The following SLC39A8 variants were observed in gnomAD, a reference collection of about 807,000 sequenced individuals.
The protein encoded by SLC39A8 is metal cation symporter ZIP8.
SLC39A8 carries 15 observed loss-of-function variants against 40.4 expected under a neutral mutation model. That is an observed-to-expected ratio of 0.37 (90% confidence interval 0.25 to 0.57). The LOEUF (loss-of-function observed/expected upper bound fraction) is 0.57. SLC39A8 is among the 20% of genes least tolerant of loss of function. SLC39A8 has a pLI of 0.75. For synonymous variants in SLC39A8, 223 were observed against 221.6 expected, an observed-to-expected ratio of 1.01 and a Z score of -0.06; for missense variants, 472 against 558.8, an observed-to-expected ratio of 0.84 and a Z score of 1.57.
At chr4:102,275,510 C>T (rs1732578150) in intron 6 of SLC39A8, among the ~76,000 whole-genome samples, 1 of 152,116 alleles carries the variant, frequency 6.6e-6, no homozygotes, top group Admixed American at 6.5e-5. Context: ...TATAAAGAGA[C>T]TTAGACTCCC....
rs943272568 is a variant in SLC39A8, at chr4:102,261,726, G to A, written c.*1318C>T. ...ATATTTTTTAATTGTCAGTCATAAAGTGAAATACATACTAAAATATATATT... is the reference window on the plus strand; with the variant it reads ...ATATTTTTTAATTGTCAGTCATAAAATGAAATACATACTAAAATATATATT... On this transcript the variant is annotated 3_prime_UTR_variant, in exon 9 of 9. Transcript: ENST00000356736. The A allele has an allele frequency of 5.8e-5, 57 of 982,132 alleles. No homozygotes were observed. The highest frequency in any genetic ancestry group is 6.5e-5 in the Non-Finnish European group (54 of 826,540). 60.8% of individuals were successfully genotyped at this position (982,132 alleles called of 1,614,324 possible).
intron 2 of SLC39A8, among the ~76,000 whole-genome samples, chr4:102,338,205 G>A (rs1218687276): frequency 1.6e-5 from 2 of 126,276 alleles, no homozygotes; most frequent in African/African-American, 6.1e-5. Context: ...TTTTTTTTTC[G>A]AGACGGAGTC....
downstream of SLC39A8, among the ~76,000 whole-genome samples, chr4:102,256,976 C>T (rs1047870078): frequency 1.3e-5 from 2 of 152,068 alleles, no homozygotes; most frequent in African/African-American, 4.8e-5. Context: ...ATAGTGGGCA[C>T]CAAAACCAAA....
chr4:102,306,571 C>T lies in SLC39A8; in HGVS notation c.552+865G>A, dbSNP rs535788702. Among the ~76,000 whole-genome samples, 33 of 151,880 alleles carry T rather than the reference C, an allele frequency of 2.2e-4. No individual in the cohort carries two copies. In the South Asian group the frequency reaches 5.2e-3, roughly 24 times the overall value. ...TTTAGTTATAATTTTCTAAAAATTA[C>T]GAGATAAGGGTGGTACTCCCTGAAA... On this transcript the variant is annotated intron_variant, in intron 4 of 8. Transcript: ENST00000356736.
chr4:102,270,735 A>G (rs1376717028), intron 6 of SLC39A8, among the ~76,000 whole-genome samples: 7 of 152,126 alleles, frequency 4.6e-5, no homozygotes, highest in African/African-American at 1.7e-4. Context: ...GACTTGTAAC[A>G]CCTTTCACTT....
intron 6 of SLC39A8, among the ~76,000 whole-genome samples, chr4:102,294,790 GA>G (rs1381145843): frequency 6.6e-6 from 1 of 151,846 alleles, no homozygotes; most frequent in South Asian, 2.1e-4. Flanking sequence ...GTGCAAAACA[GA>G]TGAATAGGAA....
chr4:102,337,732 G>A (rs892169323), intron 2 of SLC39A8, among the ~76,000 whole-genome samples: 3 of 152,142 alleles, frequency 2.0e-5, no homozygotes, highest in Non-Finnish European at 4.4e-5. Flanking sequence ...TGGATTCATT[G>A]GCCGAAAACT....
chr4:102,286,354 C>T (rs1433695346), intron 6 of SLC39A8, among the ~76,000 whole-genome samples: 1 of 152,132 alleles, frequency 6.6e-6, no homozygotes, highest in East Asian at 1.9e-4. Flanking sequence ...AGCAATTCTT[C>T]ATTACACTAA....
chr4:102,297,093 A>G (rs1018258596), intron 6 of SLC39A8, among the ~76,000 whole-genome samples: 2 of 152,128 alleles, frequency 1.3e-5, no homozygotes, highest in African/African-American at 4.8e-5. Flanking sequence ...AAAAAGAGGA[A>G]TATCACATGC....
chr4:102,264,732 T>A (rs1291808129), intron 8 of SLC39A8, among the ~76,000 whole-genome samples: 2 of 152,256 alleles, frequency 1.3e-5, no homozygotes, highest in African/African-American at 2.4e-5. Context: ...CTTAGTTAGA[T>A]CTTCTGGATA....
chr4:102,275,879 A>G (rs1412642667), intron 6 of SLC39A8, among the ~76,000 whole-genome samples: 1 of 152,248 alleles, frequency 6.6e-6, no homozygotes, highest in Non-Finnish European at 1.5e-5. Context: ...CTGCTCCTGA[A>G]TGACTACTGG....
intron 6 of SLC39A8, among the ~76,000 whole-genome samples, chr4:102,291,592 C>G (rs908971657): frequency 3.3e-5 from 5 of 152,030 alleles, no homozygotes; most frequent in African/African-American, 1.2e-4. Context: ...CTAGGGTCCA[C>G]AGGGGTTCCT....
At chr4:102,318,652 T>C (rs1010227922) in intron 2 of SLC39A8, among the ~76,000 whole-genome samples, 1 of 152,102 alleles carries the variant, frequency 6.6e-6, no homozygotes, top group South Asian at 2.1e-4. Context: ...CAACCGGTTA[T>C]ACCATGGACA....
chr4:102,257,451 G>C (rs185552492), downstream of SLC39A8, among the ~76,000 whole-genome samples: 1 of 152,230 alleles, frequency 6.6e-6, no homozygotes, highest in Non-Finnish European at 1.5e-5. Context: ...GATATTGTAA[G>C]AAGCTTTTCT....
intron 2 of SLC39A8, among the ~76,000 whole-genome samples, chr4:102,334,242 T>C (rs1735580419): frequency 6.6e-6 from 1 of 152,172 alleles, no homozygotes; most frequent in Non-Finnish European, 1.5e-5. Context: ...TAATACAGCA[T>C]CTGATTAAAG....
chr4:102,258,106 T>C (rs1455125123), downstream of SLC39A8, among the ~76,000 whole-genome samples: 4 of 150,578 alleles, frequency 2.7e-5, no homozygotes, highest in Non-Finnish European at 5.9e-5. Flanking sequence ...TGTTTTTTGT[T>C]TTTTGTTTTT....
At chr4:102,319,209 T>A (rs187200909) in intron 2 of SLC39A8, among the ~76,000 whole-genome samples, 2 of 152,232 alleles carry the variant, frequency 1.3e-5, no homozygotes, top group Non-Finnish European at 2.9e-5. Flanking sequence ...CAGAAGTTTT[T>A]CTGCCTCTTT....
chr4:102,262,681 G>C lies in SLC39A8; in HGVS notation c.*363C>G, dbSNP rs1731916264. ...CATTTGAATCTTTGATCCTACCATA[G>C]AGTTTTAAAGGCTTTCAGGATATAA... On this transcript the variant is annotated 3_prime_UTR_variant, in exon 9 of 9. Transcript: ENST00000356736. 4 of 996,652 alleles carry C rather than the reference G, an allele frequency of 4.0e-6. No individual in the cohort carries two copies. Among genetic ancestry groups the C allele is most frequent in the South Asian group, 4.6e-5 (1 of 21,574 alleles). 61.7% of individuals were successfully genotyped at this position (996,652 alleles called of 1,614,324 possible).
At chr4:102,297,904 T>G (rs1164017573) in intron 6 of SLC39A8, among the ~76,000 whole-genome samples, 1 of 151,642 alleles carries the variant, frequency 6.6e-6, no homozygotes, top group Non-Finnish European at 1.5e-5. Flanking sequence ...GGTTATGGAG[T>G]GAGACCCTGT....
Sources: allele counts gnomAD v4.1 joint callset (sites outside exome capture counted in the v4.1 genomes callset), GRCh38; gene constraint gnomAD v4.1.1; transcripts MANE v1.5; gene names NCBI Gene and HGNC (gene_info 2026-07-23, HGNC 2026-07-21).